AGAP1: variants seen among roughly 807,000 people sequenced by gnomAD.
The protein encoded by AGAP1 is arf-GAP with GTPase, ANK repeat and PH domain-containing protein 1.
In AGAP1, 29 loss-of-function variants were observed where a neutral mutation model predicts 105.3. That is an observed-to-expected ratio of 0.28 (90% CI 0.21 to 0.38). The LOEUF (loss-of-function observed/expected upper bound fraction) is 0.38, where lower values mean the gene tolerates loss of function less well. AGAP1 is among the 10% of genes least tolerant of loss of function. The pLI is 1.00. For missense variants in AGAP1, 998 were observed against 1,165.1 expected, an observed-to-expected ratio of 0.86 and a Z score of 2.09; for synonymous variants, 509 against 485.9, an observed-to-expected ratio of 1.05 and a Z score of -0.63.
intron 1 of AGAP1, among the ~76,000 whole-genome samples, chr2:235,632,822 T>C (rs1414724006): frequency 6.6e-6 from 1 of 152,172 alleles, no homozygotes; most frequent in Non-Finnish European, 1.5e-5. Context: ...CACCTGGTGG[T>C]GTGCTGGTGT....
chr2:235,580,737 T>TCTAA (rs1944903507), intron 1 of AGAP1, among the ~76,000 whole-genome samples: 1 of 152,118 alleles, frequency 6.6e-6, no homozygotes, highest in East Asian at 1.9e-4. Flanking sequence ...GGCACTTAGA[T>TCTAA]GACAGTCAGC....
intron 9 of AGAP1, among the ~76,000 whole-genome samples, chr2:235,827,041 G>A (rs1198454972): frequency 1.3e-5 from 2 of 152,132 alleles, no homozygotes; most frequent in African/African-American, 2.4e-5. Context: ...AAGGAGGAGG[G>A]GAGCTCTTCA....
At chr2:235,695,542 A>AGT (rs1949955403) in intron 1 of AGAP1, among the ~76,000 whole-genome samples, 3 of 152,284 alleles carry the variant, frequency 2.0e-5, no homozygotes, top group African/African-American at 7.2e-5. Context: ...GTTTGTGCTC[A>AGT]GTATATTACA....
chr2:235,686,678 T>TTA, intron 1 of AGAP1, among the ~76,000 whole-genome samples: 1 of 131,428 alleles, frequency 7.6e-6, no homozygotes, highest in African/African-American at 3.0e-5. Flanking sequence ...TTTTTTTTTT[T>TTA]TTAGACAGAG....
At position 235,976,430 on chromosome 2, in the gene AGAP1, G is replaced by A. The variant is rs745872412; in HGVS notation, c.1645+7807G>A. On this transcript the variant is annotated intron_variant, in intron 13 of 17. Coordinates refer to ENST00000304032, the MANE Select transcript of AGAP1 (RefSeq NM_001037131.3). The surrounding 1 kb of genome is among the most constrained non-coding windows in gnomAD (Gnocchi z 4.5). The stretch of plus-strand genomic sequence containing the variant: ...GATCCTTTGTGGAAGCCAGCAGGTC[G>A]GAAATAAACAAAGATGAGTCGATCA... Among the ~76,000 whole-genome samples, 3 of 152,156 alleles carry A rather than the reference G, an allele frequency of 2.0e-5. No individual in the cohort carries two copies. The highest frequency in any genetic ancestry group is 1.9e-4 in the East Asian group (1 of 5,194).
intron 1 of AGAP1, among the ~76,000 whole-genome samples, chr2:235,654,313 A>G (rs900444372): frequency 4.6e-5 from 7 of 152,188 alleles, no homozygotes; most frequent in East Asian, 3.9e-4. Flanking sequence ...AGGAACACCA[A>G]TTGATTCCTC....
chr2:235,833,303 G>A (rs1959679126), intron 9 of AGAP1, among the ~76,000 whole-genome samples: 1 of 152,220 alleles, frequency 6.6e-6, no homozygotes, highest in Non-Finnish European at 1.5e-5. Context: ...CAGGAAGGAA[G>A]GGACAGGGCA....
Position 235,536,468 on chromosome 2 carries a change from T to TACACACAC in AGAP1, c.163+41639_163+41646dup, listed in dbSNP as rs68065934. Among the ~76,000 whole-genome samples, 61 of 48,990 alleles carry TACACACAC rather than the reference T, an allele frequency of 1.2e-3. 3 individuals carry two copies. Among genetic ancestry groups the TACACACAC allele is most frequent in the African/African-American group, 6.7e-3 (56 of 8,414 alleles). 32.1% of individuals were successfully genotyped at this position (48,990 alleles called of 152,430 possible). Reference sequence around the variant, plus strand: ...ACCCTGGGGTTTGTTTGTGGCATCCTACACACACACACACACACACACACA... The same window carrying TACACACAC: ...ACCCTGGGGTTTGTTTGTGGCATCCTACACACACACACACACACACACACACACACACA... On this transcript the variant is annotated intron_variant, in intron 1 of 17. Transcript: ENST00000304032.
chr2:235,562,953 C>T (rs1013001526), intron 1 of AGAP1, among the ~76,000 whole-genome samples: 13 of 152,012 alleles, frequency 8.6e-5, no homozygotes, highest in East Asian at 1.9e-4. Context: ...CCAGCTACTC[C>T]GGAGGCTGAG....
At position 235,799,362 on chromosome 2, in the gene AGAP1, T is replaced by G. The variant is rs114931553; in HGVS notation, c.802-5T>G. On this transcript the variant is annotated splice_polypyrimidine_tract_variant and splice_region_variant and intron_variant, in intron 7 of 17. Coordinates refer to ENST00000304032, the MANE Select transcript of AGAP1 (RefSeq NM_001037131.3). The surrounding 1 kb of genome is among the most constrained non-coding windows in gnomAD (Gnocchi z 5.0). ...TAATGAAACCTTGGATTTTAATCAT[T>G]TCAGACAAGTAATGGAGGTGGGAGT... 3.7e-6 allele frequency: 6 copies of G among 1,613,742 alleles called. No individual in the cohort carries two copies. The highest frequency in any genetic ancestry group is 5.1e-6 in the Non-Finnish European group (6 of 1,179,768).
intron 1 of AGAP1, among the ~76,000 whole-genome samples, chr2:235,703,040 G>GC (rs1389276070): frequency 6.8e-6 from 1 of 146,814 alleles, no homozygotes; most frequent in Non-Finnish European, 1.5e-5. Flanking sequence ...CAATTCTCCT[G>GC]CCCCAGCCTC....
intron 1 of AGAP1, among the ~76,000 whole-genome samples, chr2:235,511,856 G>A (rs1645293523): frequency 6.6e-6 from 1 of 151,986 alleles, no homozygotes; most frequent in Admixed American, 6.6e-5. Flanking sequence ...GTGTGGATGT[G>A]TGTGAATGTG....
chr2:235,941,912 C>T (rs1172450321), intron 12 of AGAP1, among the ~76,000 whole-genome samples: 3 of 152,068 alleles, frequency 2.0e-5, no homozygotes, highest in Admixed American at 2.0e-4. Context: ...CGTTCCAGCC[C>T]GGTATGGAAG....
rs532977573 is a variant in AGAP1 at position 236,099,957 on chromosome 2, T to C, written c.2115-20235T>C. Among the ~76,000 whole-genome samples, 5 of 152,064 alleles carry C rather than the reference T, an allele frequency of 3.3e-5. No individual in the cohort carries two copies. In the South Asian group the frequency reaches 1.0e-3, roughly 32 times the overall value. Reference sequence around the variant, plus strand: ...CAGGAGGCTAAGACAGGAGAATTGGTTGAACCCGGGAGGCAGAGGTTCCAG... The same window carrying C: ...CAGGAGGCTAAGACAGGAGAATTGGCTGAACCCGGGAGGCAGAGGTTCCAG... On this transcript the variant is annotated intron_variant, in intron 16 of 17. Transcript: ENST00000304032.
rs2056434569 is a variant in AGAP1, at chr2:236,009,444, A to G, written c.1646-27117A>G. Among the ~76,000 whole-genome samples the G allele has an allele frequency of 6.6e-6, 1 of 152,212 alleles. No homozygotes were observed. The highest frequency in any genetic ancestry group is 2.4e-5 in the African/African-American group (1 of 41,448). On this transcript the variant is annotated intron_variant, in intron 13 of 17. Transcript: ENST00000304032. This position sits in a 1 kb window ranked among gnomAD's most constrained non-coding sequence, Gnocchi z 4.2. ...GCCGCAGTCAGCCTGAAACACTCCA[A>G]GGAGCAGAGACGCTCCCCTCTGCAA...
At chr2:235,683,074 AG>A (rs1949174757) in intron 1 of AGAP1, among the ~76,000 whole-genome samples, 1 of 152,136 alleles carries the variant, frequency 6.6e-6, no homozygotes, top group African/African-American at 2.4e-5. Flanking sequence ...TGGGAGGCCG[AG>A]GTGGGCAGAT....
In AGAP1 at chr2:235,958,229, AC is replaced by A. The variant is rs1277100395; in HGVS notation, c.1484-10232del. ...TTCGTGGCGTGCCCCTCATCAAACT[AC>A]GTCCCCTGAGGGAGAGTGGTTGGAG... is the stretch of plus-strand genomic sequence containing the variant. On this transcript the variant is annotated intron_variant, in intron 12 of 17. Coordinates refer to ENST00000304032, the MANE Select transcript of AGAP1 (RefSeq NM_001037131.3). This position sits in a 1 kb window ranked among gnomAD's most constrained non-coding sequence, Gnocchi z 4.1. Among the ~76,000 whole-genome samples, 1 of 152,020 alleles carries A rather than the reference AC, an allele frequency of 6.6e-6. No homozygotes were observed. The highest frequency in any genetic ancestry group is 1.5e-5 in the Non-Finnish European group (1 of 68,008).
At chr2:236,077,349 C>A (rs867496621) in intron 16 of AGAP1, among the ~76,000 whole-genome samples, 2 of 136,144 alleles carry the variant, frequency 1.5e-5, no homozygotes, top group Non-Finnish European at 3.1e-5. Flanking sequence ...GAGACAGTTT[C>A]GCTCTGTTGC....
At chr2:236,060,473 G>C (rs571948409) in intron 16 of AGAP1, among the ~76,000 whole-genome samples, 1 of 152,260 alleles carries the variant, frequency 6.6e-6, no homozygotes, top group South Asian at 2.1e-4. Context: ...AGGATCACTG[G>C]AGCCCAGGAG....
Sources: allele counts gnomAD v4.1 joint callset (sites outside exome capture counted in the v4.1 genomes callset), GRCh38; gene constraint gnomAD v4.1.1; non-coding constraint Gnocchi (gnomAD v3.1); transcripts MANE v1.5; gene names NCBI Gene and HGNC (gene_info 2026-07-23, HGNC 2026-07-21).